PSG4: variants seen among roughly 807,000 people sequenced by gnomAD.
PSG4 encodes pregnancy-specific beta-1-glycoprotein 4.
PSG4 carries 61 observed loss-of-function variants against 44.3 expected under a neutral mutation model. The ratio of observed to expected loss-of-function variants is 1.38; its 90% CI spans 1.12 to 1.70. The LOEUF (loss-of-function observed/expected upper bound fraction) is 1.70. PSG4 is among the 40% of genes most tolerant of loss of function. The pLI, the probability that PSG4 is intolerant of heterozygous loss-of-function variation, is 0.00. For missense variants in PSG4, 677 were observed against 511.7 expected (o/e 1.32, Z -3.12); for synonymous variants, 248 against 191.3 (o/e 1.30, Z -2.45).
At chr19:43,199,494 T>C (rs894933449) in intron 2 of PSG4, among the ~76,000 whole-genome samples, 1 of 145,718 alleles carries the variant, frequency 6.9e-6, no homozygotes, top group Non-Finnish European at 1.5e-5. Flanking sequence ...TTGGAATATT[T>C]GCAGTACATG....
At position 43,197,442 on chromosome 19, in the gene PSG4, G is replaced by A. The variant is rs890901741; in HGVS notation, c.709+555C>T. On this transcript the variant is annotated intron_variant, in intron 3 of 5. Coordinates refer to ENST00000405312, the MANE Select transcript of PSG4 (RefSeq NM_002780.5). ...CTCTATATGTTTTAGTGATTTGGGGGATAAAGCACACTTGTGCTGATTGCT... is the reference window on the plus strand; with the variant it reads ...CTCTATATGTTTTAGTGATTTGGGGAATAAAGCACACTTGTGCTGATTGCT... Among the ~76,000 whole-genome samples, 13 of 145,118 alleles carry A rather than the reference G, an allele frequency of 9.0e-5. 1 individual carries two copies. Among genetic ancestry groups the A allele is most frequent in the South Asian group, 2.2e-4 (1 of 4,634 alleles).
rs1258811092 is a variant in PSG4, at chr19:43,202,411, G to A, written c.430+1475C>T. Among the ~76,000 whole-genome samples, 243 of 144,778 alleles carry A rather than the reference G, an allele frequency of 1.7e-3. 28 individuals carry two copies. Among genetic ancestry groups the A allele is most frequent in the African/African-American group, 6.0e-3 (224 of 37,474 alleles). The allele number at this position is 144,778 out of a possible 152,430, so 95.0% of individuals were successfully genotyped here. On this transcript the variant is annotated intron_variant, in intron 2 of 5. Transcript: ENST00000405312. ...GCAAGAGGTAGTGGGGGGATGAAAC[G>A]TGGGTGTCAGCCTCTGAAGGACAAG... is the stretch of plus-strand genomic sequence containing the variant.
At chr19:43,200,129 G>C (rs1432176076) in intron 2 of PSG4, among the ~76,000 whole-genome samples, 2 of 145,642 alleles carry the variant, frequency 1.4e-5, no homozygotes, top group African/African-American at 5.3e-5. Context: ...GTTAAGCTCA[G>C]GAAATACCAC....
rs59165427 is a variant in PSG4 at position 43,205,111 on chromosome 19, C to CTT, written c.64+360_64+361dup. 1.5e-4 allele frequency among the ~76,000 whole-genome samples: 14 copies of CTT among 90,838 alleles called. 1 individual carries two copies. Among genetic ancestry groups the CTT allele is most frequent in the Admixed American group, 6.2e-4 (5 of 8,048 alleles). 59.6% of individuals were successfully genotyped at this position (90,838 alleles called of 152,430 possible). A position where few individuals can be genotyped will look rare whatever the true frequency, so the allele number is the denominator to read the frequency against. On this transcript the variant is annotated intron_variant, in intron 1 of 5. Transcript: ENST00000405312. Reference sequence around the variant, plus strand: ...TTCTTTTTTCTTTTTTTCCTTTTTTCTTTTTTTTTTTTTTGAGACGGAGTC... The same window carrying CTT: ...TTCTTTTTTCTTTTTTTCCTTTTTTCTTTTTTTTTTTTTTTTGAGACGGAGTC...
chr19:43,198,284 A>C lies in PSG4; in HGVS notation c.431-9T>G. 1.3e-6 allele frequency: 2 copies of C among 1,581,676 alleles called. 1 individual carries two copies. The highest frequency in any genetic ancestry group is 2.2e-5 in the South Asian group (2 of 89,324). On this transcript the variant is annotated splice_polypyrimidine_tract_variant and intron_variant, in intron 2 of 5. Transcript: ENST00000405312. ...GGGCTTGGGAGTCTCCACTGTGCAG[A>C]AAACAGAGAGAGGTTTGCCCTGTGT...
chr19:43,193,274 G>A lies in PSG4; in HGVS notation c.*98C>T. ...AGGGTTTTCCCATGAAATTTACATC[G>A]AGTTGTCCACCTCCAGCTTATAGGG... On this transcript the variant is annotated 3_prime_UTR_variant, in exon 6 of 6. Transcript: ENST00000405312. 7.8e-6 allele frequency: 6 copies of A among 769,854 alleles called. No individual in the cohort carries two copies. The highest frequency in any genetic ancestry group is 1.3e-5 in the South Asian group (1 of 74,572). The allele number at this position is 769,854 out of a possible 1,614,324, so 47.7% of individuals were successfully genotyped here. A position where few individuals can be genotyped will look rare whatever the true frequency, so the allele number is the denominator to read the frequency against.
At chr19:43,203,651 C>G in intron 2 of PSG4, 1 of 694,892 alleles carries the variant, frequency 1.4e-6, no homozygotes, top group South Asian at 1.9e-5. Context: ...GCTGAGTCCC[C>G]CCATCAGACT....
chr19:43,194,022 A>G (rs755415334), intron 5 of PSG4: 21 of 1,003,896 alleles, frequency 2.1e-5, no homozygotes, highest in Non-Finnish European at 2.8e-5. Flanking sequence ...CCATAAATCT[A>G]GAAAACAAAC....
rs1160677685 is a variant in PSG4, at chr19:43,198,683, G to C, written c.431-408C>G. 7.6e-5 allele frequency: 15 copies of C among 196,808 alleles called. 4 individuals carry two copies. The highest frequency in any genetic ancestry group is 3.8e-4 in the African/African-American group (15 of 39,970). 12.2% of individuals were successfully genotyped at this position (196,808 alleles called of 1,614,324 possible). A position where few individuals can be genotyped will look rare whatever the true frequency, so the allele number is the denominator to read the frequency against. ...CCCCCCGAGGTATGTTTTCTCTGCA[G>C]CTTCCCTTTCCAAGGACATCCTAGA... On this transcript the variant is annotated intron_variant, in intron 2 of 5. Transcript: ENST00000405312.
intron 2 of PSG4, among the ~76,000 whole-genome samples, chr19:43,202,934 G>A (rs10410296): frequency 0.28 from 40,651 of 143,672 alleles, 9,429 homozygotes; most frequent in East Asian, 0.88. Context: ...ATGTGACCCC[G>A]ATCTCCCCTT....
chr19:43,194,753 C>T, intron 4 of PSG4, 159 bp from the exon 5 acceptor site: 1 of 1,424,432 alleles, frequency 7.0e-7, no homozygotes, highest in Non-Finnish European at 9.4e-7. Context: ...AGGTATTCAC[C>T]TGTTTCTCCC....
In PSG4 at chr19:43,204,110, T is replaced by G. The variant is rs771419491; in HGVS notation, c.206A>C (p.Lys69Thr). ...PQNLAGYIWY[K>T]GQMTYLYHYI... The stretch of plus-strand genomic sequence containing the variant: ...ATGGTAGAGGTATGTCATTTGCCCT[T>G]TGTACCAAATGTAGCCAGCAAGATT... The change falls in exon 2 of 6, where the codon AAA becomes ACA. Residue 69 changes from lysine to threonine, a missense_variant. Physicochemically the swap from Lys to Thr is moderately conservative, Grantham distance 78. Coordinates refer to ENST00000405312, the MANE Select transcript of PSG4 (RefSeq NM_002780.5). 1.3e-5 allele frequency: 21 copies of G among 1,587,168 alleles called. 1 individual carries two copies. The highest frequency in any genetic ancestry group is 1.8e-5 in the Non-Finnish European group (21 of 1,171,520).
intron 2 of PSG4, 27 bp from the exon 3 acceptor site, chr19:43,198,302 C>T (rs1225649494): frequency 1.0e-5 from 16 of 1,567,364 alleles, no homozygotes; most frequent in Non-Finnish European, 1.3e-5. Flanking sequence ...GAGAGGTTTG[C>T]CCTGTGTGGC....
intron 3 of PSG4, 193 bp downstream of exon 3, chr19:43,197,804 C>T (rs372926595): frequency 8.6e-7 from 1 of 1,159,688 alleles, no homozygotes; most frequent in Non-Finnish European, 1.2e-6. Context: ...ATGACAGGAG[C>T]AGCCTCTTTT....
intron 2 of PSG4, among the ~76,000 whole-genome samples, chr19:43,199,161 G>C (rs1340145146): frequency 1.4e-5 from 2 of 145,972 alleles, no homozygotes; most frequent in African/African-American, 5.2e-5. Flanking sequence ...ATATGCGTTT[G>C]GTGGATATTA....
rs546500906 is a variant in PSG4 at position 43,202,874 on chromosome 19, C to A, written c.430+1012G>T. On this transcript the variant is annotated intron_variant, in intron 2 of 5. Coordinates refer to ENST00000405312, the MANE Select transcript of PSG4 (RefSeq NM_002780.5). Reference sequence around the variant, plus strand: ...ATGGGGTGCTTGGAACCCAGTAAGCCCTCACTTCTGGTGGAGGAGAGGAAG... The same window carrying A: ...ATGGGGTGCTTGGAACCCAGTAAGCACTCACTTCTGGTGGAGGAGAGGAAG... Among the ~76,000 whole-genome samples the A allele has an allele frequency of 2.4e-4, 35 of 144,496 alleles. 2 individuals carry two copies. The highest frequency in any genetic ancestry group is 1.5e-3 in the South Asian group (7 of 4,570). 94.8% of individuals were successfully genotyped at this position (144,496 alleles called of 152,430 possible). A position where few individuals can be genotyped will look rare whatever the true frequency, so the allele number is the denominator to read the frequency against.
chr19:43,198,228 C>T lies in PSG4; in HGVS notation c.478G>A (p.Glu160Lys). The T allele has an allele frequency of 6.3e-7, 1 of 1,587,346 alleles. No individual in the cohort carries two copies. Among genetic ancestry groups the T allele is most frequent in the Non-Finnish European group, 8.5e-7 (1 of 1,171,780 alleles). ...SISSSNLNPR[E>K]AMEAVILTCD... ...GTTAAGATCACAGCCTCCATGGCCT[C>T]CCTGGGATTTAAGTTGCTGCTGGAG... Residue 160 changes from glutamate (E) to lysine (K), a missense_variant, in exon 3 of 6, where the codon GAG becomes AAG. Coordinates refer to ENST00000405312, the MANE Select transcript of PSG4 (RefSeq NM_002780.5).
intron 1 of PSG4, chr19:43,205,022 C>T (rs1223023118): frequency 8.9e-6 from 2 of 225,818 alleles, no homozygotes; most frequent in African/African-American, 2.7e-5. Flanking sequence ...TGTGACTTTC[C>T]TATTTTGACC....
Position 43,195,275 on chromosome 19 carries a change from T to C in PSG4, c.710-2A>G. 6.2e-7 allele frequency: 1 copy of C among 1,610,062 alleles called. No individual in the cohort carries two copies. The highest frequency in any genetic ancestry group is 1.1e-5 in the South Asian group (1 of 90,914). On this transcript the variant is annotated splice_acceptor_variant, in intron 3 of 5. Transcript: ENST00000405312. LOFTEE classifies it high-confidence loss of function. Reference sequence around the variant, plus strand: ...TGATGTAGGGCTTGGACAGCTTTGCTGTGTGGATAACAGAGAGAAGATTGT... The same window carrying C: ...TGATGTAGGGCTTGGACAGCTTTGCCGTGTGGATAACAGAGAGAAGATTGT...
Sources: allele counts gnomAD v4.1 joint callset (sites outside exome capture counted in the v4.1 genomes callset), GRCh38; gene constraint gnomAD v4.1.1; transcripts MANE v1.5; gene names NCBI Gene and HGNC (gene_info 2026-07-23, HGNC 2026-07-21).